ARHGEF4: variants seen among roughly 807,000 people sequenced by gnomAD.
ARHGEF4 encodes Rho guanine nucleotide exchange factor 4.
In ARHGEF4, 119 loss-of-function variants were observed where a neutral mutation model predicts 162.0. The observed-to-expected ratio is 0.73, with a 90% CI of 0.63 to 0.86. ARHGEF4 has a LOEUF of 0.86. Among genes scored for constraint, ARHGEF4 ranks in the 40% least tolerant of loss-of-function variants. The pLI, the probability that ARHGEF4 is intolerant of heterozygous loss-of-function variation, is 0.00. For missense variants in ARHGEF4, 2,488 were observed against 2,456.0 expected (o/e 1.01, Z -0.28); for synonymous variants, 1,014 against 979.9 (o/e 1.03, Z -0.65).
At chr2:130,994,407 TG>T (rs1687246836) in intron 4 of ARHGEF4, among the ~76,000 whole-genome samples, 3 of 152,236 alleles carry the variant, frequency 2.0e-5, no homozygotes, top group South Asian at 4.1e-4. Context: ...AATTAAATCA[TG>T]TGGGCAGACC....
At position 130,930,934 on chromosome 2, in the gene ARHGEF4, G is replaced by A. The variant is rs112912136; in HGVS notation, c.3553-18G>A. 9.1e-5 allele frequency: 145 copies of A among 1,589,920 alleles called. No individual in the cohort carries two copies. Among genetic ancestry groups the A allele is most frequent in the Admixed American group, 3.0e-4 (18 of 59,156 alleles). On this transcript the variant is annotated intron_variant, in intron 2 of 13. Coordinates refer to ENST00000409359, the MANE Select transcript of ARHGEF4 (RefSeq NM_001367493.1). ...TCCTTTGACCTCTGACCCCTGACCC[G>A]TTCTCTCTGCTCTCCAGAACCACAT...
intron 1 of ARHGEF4, among the ~76,000 whole-genome samples, chr2:130,894,273 A>C (rs1559024588): frequency 6.6e-6 from 1 of 152,190 alleles, no homozygotes; most frequent in Non-Finnish European, 1.5e-5. Flanking sequence ...CATGGGCCTC[A>C]CCACTGCCTG....
rs984126806 is a variant in ARHGEF4, at chr2:130,979,638, AG to A, written c.3985+33004del. On this transcript the variant is annotated intron_variant, in intron 4 of 13. Coordinates refer to ENST00000409359, the MANE Select transcript of ARHGEF4 (RefSeq NM_001367493.1). ...GTAATCCCAGCTACTCGGGAGGCTG[AG>A]TCAGGAGAATGGCTTGAACCCAGGA... Among the ~76,000 whole-genome samples the A allele has an allele frequency of 6.0e-5, 9 of 148,796 alleles. 1 individual carries two copies. In the South Asian group the frequency reaches 1.5e-3, roughly 26 times the overall value.
chr2:130,865,206 A>G (rs1358323529), intron 1 of ARHGEF4, among the ~76,000 whole-genome samples: 2 of 152,232 alleles, frequency 1.3e-5, no homozygotes, highest in African/African-American at 4.8e-5. Context: ...GCCTTCTAAG[A>G]CAGGCAGACC....
chr2:130,926,048 C>CTTTCTTTCTTTCTCTCTCTTTCTT, intron 2 of ARHGEF4, among the ~76,000 whole-genome samples: 2 of 53,412 alleles, frequency 3.7e-5, no homozygotes, highest in Non-Finnish European at 7.6e-5. Context: ...TTCTTTCTTT[C>CTTTCTTTCTTTCTCTCTCTTTCTT]TCTTTCTTTC....
At chr2:131,039,432 C>T in intron 6 of ARHGEF4, 1 of 1,035,658 alleles carries the variant, frequency 9.7e-7, no homozygotes, top group Non-Finnish European at 1.2e-6. Context: ...AAGTTATTAG[C>T]CCTGGAGATA....
intron 4 of ARHGEF4, among the ~76,000 whole-genome samples, chr2:131,023,516 C>A (rs898825262): frequency 6.6e-6 from 1 of 152,134 alleles, no homozygotes; most frequent in East Asian, 1.9e-4. Flanking sequence ...TGTTCAACAT[C>A]GTCAGCCTTT....
chr2:131,047,178 G>T lies in ARHGEF4; in HGVS notation c.*989G>T, dbSNP rs913155153. The T allele has an allele frequency of 9.2e-5, 14 of 152,276 alleles. No homozygotes were observed. Among genetic ancestry groups the T allele is most frequent in the African/African-American group, 3.4e-4 (14 of 41,464 alleles). The allele number at this position is 152,276 out of a possible 1,614,324, so 9.4% of individuals were successfully genotyped here. ...GGAGCCCACAGGATTCAGCAGCATGGACAGTCACTCTTGCACTATTCCTTC... is the reference window on the plus strand; with the variant it reads ...GGAGCCCACAGGATTCAGCAGCATGTACAGTCACTCTTGCACTATTCCTTC... On this transcript the variant is annotated 3_prime_UTR_variant, in exon 14 of 14. Coordinates refer to ENST00000409359, the MANE Select transcript of ARHGEF4 (RefSeq NM_001367493.1).
At chr2:130,867,243 T>A (rs962742304) in intron 1 of ARHGEF4, among the ~76,000 whole-genome samples, 8 of 138,658 alleles carry the variant, frequency 5.8e-5, no homozygotes, top group African/African-American at 1.5e-4. Flanking sequence ...ATTATTATTA[T>A]TTTTTTTTTT....
intron 1 of ARHGEF4, among the ~76,000 whole-genome samples, chr2:130,848,978 A>G (rs1302017577): frequency 1.3e-5 from 2 of 152,106 alleles, no homozygotes; most frequent in African/African-American, 2.4e-5. Context: ...CATCCCAGCC[A>G]TGCTAGTTGG....
At chr2:131,043,423 G>A (rs1172610394) in intron 10 of ARHGEF4, 29 bp from the exon 11 acceptor site, 1 of 1,613,122 alleles carries the variant, frequency 6.2e-7, no homozygotes, top group Non-Finnish European at 8.5e-7. Flanking sequence ...GGTATGCGAG[G>A]CTCATGGTTC....
chr2:130,935,981 C>T (rs577891923), intron 3 of ARHGEF4, among the ~76,000 whole-genome samples: 1 of 152,238 alleles, frequency 6.6e-6, no homozygotes, highest in African/African-American at 2.4e-5. Context: ...AGGAGAATTG[C>T]TTGAAACCGG....
rs1691083798 is a variant in ARHGEF4, at chr2:131,044,547, G to A, written c.5401+5G>A. On this transcript the variant is annotated splice_donor_5th_base_variant and intron_variant, in intron 12 of 13. Coordinates refer to ENST00000409359, the MANE Select transcript of ARHGEF4 (RefSeq NM_001367493.1). ...TGCAGCTGGACCAGGAGACAGGTTC[G>A]AGACCCTGCTGGGCCTTGCCCCGCC... 6.5e-7 allele frequency: 1 copy of A among 1,549,094 alleles called. No individual in the cohort carries two copies. The highest frequency in any genetic ancestry group is 8.7e-7 in the Non-Finnish European group (1 of 1,146,082).
In ARHGEF4 at chr2:130,916,340, C is replaced by T. The variant is rs1181638246; in HGVS notation, c.2394C>T (p.Thr798=). The T allele has an allele frequency of 1.3e-6, 2 of 1,543,174 alleles. No individual in the cohort carries two copies. The highest frequency in any genetic ancestry group is 1.7e-6 in the Non-Finnish European group (2 of 1,145,332). Reference sequence around the variant, plus strand: ...AGCGCCCGACGTTTTCCAAGGTGACCTCCTTCAGGAAGGGCAGGCCCTTGG... The same window carrying T: ...AGCGCCCGACGTTTTCCAAGGTGACTTCCTTCAGGAAGGGCAGGCCCTTGG... ...PGKRPTFSKV[T]SFRKGRPLAT... Residue 798 remains threonine (T), a synonymous_variant, in exon 2 of 14, where the codon ACC becomes ACT. Coordinates refer to ENST00000409359, the MANE Select transcript of ARHGEF4 (RefSeq NM_001367493.1).
intron 4 of ARHGEF4, among the ~76,000 whole-genome samples, chr2:131,027,521 A>G (rs1689558366): frequency 6.6e-6 from 1 of 152,198 alleles, no homozygotes; most frequent in Non-Finnish European, 1.5e-5. Context: ...ATTTCAAACC[A>G]TATTTGCATG....
chr2:130,854,195 A>G (rs1681600152), intron 1 of ARHGEF4, among the ~76,000 whole-genome samples: 1 of 152,246 alleles, frequency 6.6e-6, no homozygotes, highest in Non-Finnish European at 1.5e-5. Context: ...AGCTGTAAGG[A>G]ACATTCAAGT....
rs372308937 is a variant in ARHGEF4 at position 131,041,316 on chromosome 2, G to C, written c.4749G>C (p.Lys1583Asn). 1 of 1,613,792 alleles carries C rather than the reference G, an allele frequency of 6.2e-7. No homozygotes were observed. The highest frequency in any genetic ancestry group is 1.3e-5 in the African/African-American group (1 of 74,950). Residue 1583 changes from lysine to asparagine, a missense_variant, in exon 9 of 14, where the codon AAG becomes AAC. Around this residue, in one of 6 missense-constraint regions of ARHGEF4, gnomAD observed 415 missense variants for 512.4 expected, o/e 0.81. Transcript: ENST00000409359. Reference protein sequence around the residue: ...VELSRLTKLSKYVYFFEACRL... With the variant: ...VELSRLTKLSNYVYFFEACRL... ...TCTCCCGGCTCACCAAGCTCAGCAA[G>C]TACGTGTACTTCTTCGAGGCCTGCC...
At position 130,916,575 on chromosome 2, in the gene ARHGEF4, AC is replaced by A; in HGVS notation, c.2630del (p.Thr877ArgfsTer47). ...RTAGPAGAGH[T>X]GTSGDLGSRG... ...TGCAGGGCCGGCAGGAGCGGGGCAC[AC>A]GGGGACCTCAGGGGATCTTGGTAGC... On this transcript the variant is annotated frameshift_variant, in exon 2 of 14. Coordinates refer to ENST00000409359, the MANE Select transcript of ARHGEF4 (RefSeq NM_001367493.1). LOFTEE classifies it high-confidence loss of function. 6.4e-7 allele frequency: 1 copy of A among 1,550,458 alleles called. No individual in the cohort carries two copies. The highest frequency in any genetic ancestry group is 8.7e-7 in the Non-Finnish European group (1 of 1,146,940).
chr2:131,035,521 G>A (rs530054444), intron 5 of ARHGEF4: 500 of 457,882 alleles, frequency 1.1e-3, no homozygotes, highest in Non-Finnish European at 1.3e-3. Context: ...AAAATGGCGC[G>A]TCTCTGCGAG....
Sources: allele counts gnomAD v4.1 joint callset (sites outside exome capture counted in the v4.1 genomes callset), GRCh38; gene constraint gnomAD v4.1.1; regional missense constraint gnomAD v4.1.1; transcripts MANE v1.5; gene names NCBI Gene and HGNC (gene_info 2026-07-23, HGNC 2026-07-21).